The following ARL13B variants were observed in gnomAD, a reference collection of about 807,000 sequenced individuals.
ARL13B encodes ADP-ribosylation factor-like protein 13B.
ARL13B carries 36 observed loss-of-function variants against 56.1 expected under a neutral mutation model. The observed-to-expected ratio is 0.64, with a 90% CI of 0.49 to 0.85. The LOEUF is 0.85. ARL13B is among the 40% of genes least tolerant of loss of function. ARL13B has a pLI of 0.00. For missense variants in ARL13B, 519 were observed against 507.1 expected (o/e 1.02, Z -0.23); for synonymous variants, 178 against 171.1 (o/e 1.04, Z -0.32).
intron 1 of ARL13B, among the ~76,000 whole-genome samples, chr3:93,986,914 G>A (rs545778333): frequency 9.9e-5 from 15 of 152,172 alleles, no homozygotes; most frequent in African/African-American, 3.6e-4. Context: ...AGGTTGCAGT[G>A]AGTGGAGATC....
chr3:94,029,760 C>A (rs1559998332), intron 3 of ARL13B, among the ~76,000 whole-genome samples: 2 of 152,024 alleles, frequency 1.3e-5, no homozygotes, highest in African/African-American at 4.8e-5. Flanking sequence ...AAACAAAACA[C>A]TGGAAACACA....
intron 3 of ARL13B, among the ~76,000 whole-genome samples, chr3:94,012,905 A>G (rs1376918523): frequency 6.6e-6 from 1 of 152,184 alleles, no homozygotes; most frequent in Non-Finnish European, 1.5e-5. Flanking sequence ...TTTCAAGTGT[A>G]AATTATATAA....
At chr3:94,035,568 C>A in intron 4 of ARL13B, 132 bp downstream of exon 4, 1 of 628,488 alleles carries the variant, frequency 1.6e-6, no homozygotes, top group Non-Finnish European at 2.8e-6. Flanking sequence ...CCTATGAAAT[C>A]ACATTCCCAT....
At position 94,012,086 on chromosome 3, in the gene ARL13B, G is replaced by C. The variant is rs117515590; in HGVS notation, c.380+8178G>C. On this transcript the variant is annotated intron_variant, in intron 3 of 9. Transcript: ENST00000394222. The stretch of plus-strand genomic sequence containing the variant: ...TGTACCTCATTGACAGTTTCAGTTA[G>C]TTTCTTTTATTAACTCCTCTTCTTC... Among the ~76,000 whole-genome samples, 289 of 152,096 alleles carry C rather than the reference G, an allele frequency of 1.9e-3. 4 individuals carry two copies. In the East Asian group the frequency reaches 0.044, roughly 23 times the overall value.
intron 7 of ARL13B, among the ~76,000 whole-genome samples, chr3:94,043,719 A>G (rs1232054005): frequency 9.2e-6 from 1 of 108,124 alleles, no homozygotes; most frequent in Non-Finnish European, 1.8e-5. Flanking sequence ...CTGTACTGCC[A>G]TGATCTCGGC....
intron 2 of ARL13B, among the ~76,000 whole-genome samples, chr3:94,002,689 G>A (rs1400938009): frequency 6.6e-6 from 1 of 152,076 alleles, no homozygotes. Flanking sequence ...GTCACTTCCA[G>A]TCAGTCTAGA....
Position 94,054,724 on chromosome 3 carries a change from T to G in ARL13B, c.*1461T>G. 2.4e-6 allele frequency: 1 copy of G among 421,090 alleles called. No homozygotes were observed. The highest frequency in any genetic ancestry group is 4.7e-6 in the Non-Finnish European group (1 of 212,156). 26.1% of individuals were successfully genotyped at this position (421,090 alleles called of 1,614,324 possible). Reference sequence around the variant, plus strand: ...AATAATCAGGTCACCTGTACTCTAGTCAGCACTGTATATATTCTTGGAGTT... The same window carrying G: ...AATAATCAGGTCACCTGTACTCTAGGCAGCACTGTATATATTCTTGGAGTT... On this transcript the variant is annotated 3_prime_UTR_variant, in exon 10 of 10. Transcript: ENST00000394222.
chr3:94,048,517 G>T (rs762748433), intron 7 of ARL13B, among the ~76,000 whole-genome samples: 1 of 152,076 alleles, frequency 6.6e-6, no homozygotes, highest in Non-Finnish European at 1.5e-5. Flanking sequence ...GTTCTAATGC[G>T]ATTTTGGTTA....
intron 3 of ARL13B, among the ~76,000 whole-genome samples, chr3:94,021,946 G>A (rs1207034948): frequency 2.0e-5 from 3 of 152,016 alleles, no homozygotes; most frequent in Non-Finnish European, 1.5e-5. Flanking sequence ...GTCATGTCAA[G>A]GCTTCTAAAG....
intron 3 of ARL13B, among the ~76,000 whole-genome samples, chr3:94,029,332 A>ATTTTTTTTTTT: frequency 1.4e-5 from 1 of 72,370 alleles, no homozygotes; most frequent in Non-Finnish European, 2.9e-5. Flanking sequence ...ATATATATAT[A>ATTTTTTTTTTT]TATTTATTTT....
intron 8 of ARL13B, among the ~76,000 whole-genome samples, chr3:94,049,740 TA>T (rs897149532): frequency 1.2e-4 from 18 of 152,090 alleles, no homozygotes; most frequent in Admixed American, 9.2e-4. Flanking sequence ...AAAAAATAAG[TA>T]AAAACTATTA....
At chr3:94,035,548 T>C in intron 4 of ARL13B, 112 bp downstream of exon 4, 1 of 719,742 alleles carries the variant, frequency 1.4e-6, no homozygotes, top group Non-Finnish European at 2.3e-6. Flanking sequence ...TTTCAAAGAA[T>C]TTTTTGTAAC....
At chr3:94,052,372 A>G (rs577623172) in intron 9 of ARL13B, among the ~76,000 whole-genome samples, 2 of 152,276 alleles carry the variant, frequency 1.3e-5, no homozygotes, top group East Asian at 3.9e-4. Flanking sequence ...AATGAGTTCT[A>G]TGGTGTACAG....
In ARL13B at chr3:94,053,593, C is replaced by G. The variant is rs193069117; in HGVS notation, c.*330C>G. ...ACAAAAAGAGCCAATGGACTCAGCACTTTCTTTACTATTTGTTCAATAGCC... is the reference window on the plus strand; with the variant it reads ...ACAAAAAGAGCCAATGGACTCAGCAGTTTCTTTACTATTTGTTCAATAGCC... On this transcript the variant is annotated 3_prime_UTR_variant, in exon 10 of 10. Coordinates refer to ENST00000394222, the MANE Select transcript of ARL13B (RefSeq NM_001174150.2). The G allele has an allele frequency of 2.0e-5, 10 of 496,564 alleles. No homozygotes were observed. The highest frequency in any genetic ancestry group is 1.7e-4 in the African/African-American group (9 of 51,886). 30.8% of individuals were successfully genotyped at this position (496,564 alleles called of 1,614,324 possible). A position where few individuals can be genotyped will look rare whatever the true frequency, so the allele number is the denominator to read the frequency against.
chr3:93,982,741 G>A (rs1162556609), intron 1 of ARL13B, among the ~76,000 whole-genome samples: 4 of 152,146 alleles, frequency 2.6e-5, no homozygotes. Flanking sequence ...GATTACCCCT[G>A]TCTTCTAAGT....
rs1276624101 is a variant in ARL13B, at chr3:94,053,950, C to G, written c.*687C>G. The stretch of plus-strand genomic sequence containing the variant: ...ATATATTTTCGAAGTAGTAGATTCT[C>G]AGATCTTTATTCTAACAATTACATG... On this transcript the variant is annotated 3_prime_UTR_variant, in exon 10 of 10. Coordinates refer to ENST00000394222, the MANE Select transcript of ARL13B (RefSeq NM_001174150.2). 3.0e-6 allele frequency: 1 copy of G among 333,734 alleles called. No homozygotes were observed. The highest frequency in any genetic ancestry group is 7.9e-5 in the East Asian group (1 of 12,728). 20.7% of individuals were successfully genotyped at this position (333,734 alleles called of 1,614,324 possible). A position where few individuals can be genotyped will look rare whatever the true frequency, so the allele number is the denominator to read the frequency against.
intron 3 of ARL13B, among the ~76,000 whole-genome samples, chr3:94,017,788 G>GT (rs2076362875): frequency 1.3e-5 from 2 of 152,128 alleles, no homozygotes; most frequent in Admixed American, 6.6e-5. Flanking sequence ...GGAGTGTATT[G>GT]TAGGTCTAGG....
chr3:93,981,883 AAAAAAAG>A (rs1559962306), intron 1 of ARL13B, among the ~76,000 whole-genome samples: 1 of 150,980 alleles, frequency 6.6e-6, no homozygotes, highest in Non-Finnish European at 1.5e-5. Context: ...AAAAAAAAAA[AAAAAAAG>A]AAAAAAGTCA....
In ARL13B at chr3:94,055,542, G is replaced by T. The variant is rs1438324947; in HGVS notation, c.*2279G>T. The stretch of plus-strand genomic sequence containing the variant: ...GATTTGATGTCTGTCTTGCGTTAAA[G>T]CTGTTGGTCAACAGATATGTTTTTA... On this transcript the variant is annotated 3_prime_UTR_variant, in exon 10 of 10. Transcript: ENST00000394222. 2 of 453,838 alleles carry T rather than the reference G, an allele frequency of 4.4e-6. No homozygotes were observed. Among genetic ancestry groups the T allele is most frequent in the East Asian group, 6.9e-5 (1 of 14,402 alleles). 28.1% of individuals were successfully genotyped at this position (453,838 alleles called of 1,614,324 possible).
Sources: gnomAD v4.1 joint callset for allele counts (sites outside exome capture counted in the v4.1 genomes callset) on GRCh38, gnomAD v4.1.1 for gene constraint, MANE v1.5 for transcripts, NCBI Gene and HGNC (gene_info 2026-07-23, HGNC 2026-07-21) for gene names.